The following ANKRD1 variants were observed in gnomAD, a reference collection of about 807,000 sequenced individuals.
ANKRD1 encodes ankyrin repeat domain-containing protein 1.
A neutral mutation model predicts 40.1 loss-of-function variants in ANKRD1; 32 were observed. The ratio of observed to expected loss-of-function variants is 0.80; its 90% CI spans 0.60 to 1.07. The LOEUF (loss-of-function observed/expected upper bound fraction) is 1.07. Among genes scored for constraint, ANKRD1 ranks in the 50% least tolerant of loss-of-function variants. The pLI is 0.00. For synonymous variants in ANKRD1, 149 were observed against 141.2 expected (o/e 1.06, Z -0.39); for missense variants, 359 against 386.0 (o/e 0.93, Z 0.59).
chr10:90,914,688 T>A (rs962679656), intron 8 of ANKRD1, among the ~76,000 whole-genome samples: 6 of 150,836 alleles, frequency 4.0e-5, no homozygotes, highest in Non-Finnish European at 8.8e-5. Context: ...GGGGAGAAAA[T>A]TATTTGCATT....
chr10:90,915,074 G>A (rs1847355401), intron 8 of ANKRD1, among the ~76,000 whole-genome samples: 1 of 152,198 alleles, frequency 6.6e-6, no homozygotes. Context: ...GCTGTAAGGA[G>A]GAAAGGGACT....
chr10:90,919,309 A>C, intron 2 of ANKRD1, 41 bp from the exon 3 acceptor site: 1 of 1,564,692 alleles, frequency 6.4e-7, no homozygotes, highest in Non-Finnish European at 8.7e-7. Flanking sequence ...GGTGAGTTCT[A>C]CTGACAAGCA....
chr10:90,912,929 G>A lies in ANKRD1; in HGVS notation c.897C>T (p.Thr299=), dbSNP rs1028634898. 1 of 1,614,056 alleles carries A rather than the reference G, an allele frequency of 6.2e-7. No homozygotes were observed. Among genetic ancestry groups the A allele is most frequent in the South Asian group, 1.1e-5 (1 of 91,082 alleles). ...CTCTGAGGCTGTCGAATATTGCTTT[G>A]GTTCCATTCTGCCAGTGTAGCACCA... The part of the protein sequence containing the change: ...MDLVLHWQNG[T]KAIFDSLREN... Residue 299 remains threonine, a synonymous_variant, in exon 9 of 9, where the codon ACC becomes ACT. Coordinates refer to ENST00000371697, the MANE Select transcript of ANKRD1 (RefSeq NM_014391.3).
chr10:90,915,832 A>T lies in ANKRD1; in HGVS notation c.700T>A (p.Cys234Ser). Residue 234 changes from cysteine to serine, a missense_variant, in exon 7 of 9, where the codon TGC becomes AGC. Coordinates refer to ENST00000371697, the MANE Select transcript of ANKRD1 (RefSeq NM_014391.3). ...HVAVRTGHYE[C>S]AEHLIACEAD... The stretch of plus-strand genomic sequence containing the variant: ...TCACAGGCGATAAGATGCTCCGCGC[A>T]CTCATAGTGGCCAGTCCTCACCGCC... 2 of 1,613,418 alleles carry T rather than the reference A, an allele frequency of 1.2e-6. No individual in the cohort carries two copies. Among genetic ancestry groups the T allele is most frequent in the Non-Finnish European group, 1.7e-6 (2 of 1,179,926 alleles).
chr10:90,920,541 C>A (rs1461738946), intron 1 of ANKRD1, among the ~76,000 whole-genome samples, 193 bp from the exon 2 acceptor site: 1 of 152,226 alleles, frequency 6.6e-6, no homozygotes, highest in East Asian at 1.9e-4. Context: ...GCTTGTCCTA[C>A]TCTCTTGGTT....
At chr10:90,914,322 C>T (rs546225756) in intron 8 of ANKRD1, among the ~76,000 whole-genome samples, 8 of 152,214 alleles carry the variant, frequency 5.3e-5, no homozygotes, top group Non-Finnish European at 1.0e-4. Context: ...TTGGGCTACT[C>T]TTCCATAAAT....
chr10:90,914,732 C>A (rs1323370241), intron 8 of ANKRD1, among the ~76,000 whole-genome samples: 2 of 88,804 alleles, frequency 2.3e-5, no homozygotes, highest in Admixed American at 1.2e-4. Flanking sequence ...CCCCCCCCCC[C>A]ACTCTTTTTT....
chr10:90,917,829 T>C lies in ANKRD1; in HGVS notation c.455A>G (p.Tyr152Cys). The change falls in exon 5 of 9, where the codon TAT becomes TGT. Residue 152 changes from tyrosine to cysteine, a missense_variant and splice_region_variant. Transcript: ENST00000371697. The stretch of plus-strand genomic sequence containing the variant: ...TGCTCTATGAAGAGCTGTCCGTTTA[T>C]ACTATCAGAACAGAGATTTTAAACA... ...DKNNPDVCDE[Y>C]KRTALHRACL... 1 of 1,612,450 alleles carries C rather than the reference T, an allele frequency of 6.2e-7. No individual in the cohort carries two copies. The highest frequency in any genetic ancestry group is 8.5e-7 in the Non-Finnish European group (1 of 1,178,548).
intron 8 of ANKRD1, among the ~76,000 whole-genome samples, chr10:90,913,265 G>A (rs552467944): frequency 6.6e-6 from 1 of 152,298 alleles, no homozygotes; most frequent in East Asian, 1.9e-4. Flanking sequence ...AAGTCATTTT[G>A]AAATTTATAA....
Position 90,918,934 on chromosome 10 carries a change from A to G in ANKRD1, c.384T>C (p.Ala128=), listed in dbSNP as rs1847400240. ...PVDVPTFLKA[A]LENKLPVVEK... Reference sequence around the variant, plus strand: ...CTACTACTGGCAGTTTATTCTCCAGAGCAGCCTTCAGAAACGTAGGCACAT... The same window carrying G: ...CTACTACTGGCAGTTTATTCTCCAGGGCAGCCTTCAGAAACGTAGGCACAT... The change falls in exon 4 of 9, where the codon GCT becomes GCC. Residue 128 remains alanine (A), a synonymous_variant. Coordinates refer to ENST00000371697, the MANE Select transcript of ANKRD1 (RefSeq NM_014391.3). 1.9e-6 allele frequency: 3 copies of G among 1,611,038 alleles called. No individual in the cohort carries two copies. The highest frequency in any genetic ancestry group is 1.4e-5 in the African/African-American group (1 of 74,052).
At chr10:90,916,898 GTAC>G (rs1847379398) in intron 5 of ANKRD1, among the ~76,000 whole-genome samples, 1 of 152,110 alleles carries the variant, frequency 6.6e-6, no homozygotes, top group Non-Finnish European at 1.5e-5. Context: ...CACAGCCTCT[GTAC>G]CTCAACTGTA....
rs2120266485 is a variant in ANKRD1 at position 90,916,246 on chromosome 10, C to G, written c.576G>C (p.Trp192Cys). The G allele has an allele frequency of 1.2e-6, 2 of 1,613,890 alleles. No individual in the cohort carries two copies. Among genetic ancestry groups the G allele is most frequent in the South Asian group, 2.2e-5 (2 of 91,060 alleles). The change falls in exon 6 of 9, where the codon TGG becomes TGC. Residue 192 changes from tryptophan (W) to cysteine (C), a missense_variant. Physicochemically the swap from Trp to Cys is radical, Grantham distance 215. Transcript: ENST00000371697. ...CATCCAGGTTTCCTCCACGGCTTGC[C>G]CAGTGGATGGCTGTGGATTCAAGCT... is the stretch of plus-strand genomic sequence containing the variant. ...RDMLESTAIH[W>C]ASRGGNLDVL...
chr10:90,920,382 G>A, intron 1 of ANKRD1, 34 bp from the exon 2 acceptor site: 1 of 1,612,410 alleles, frequency 6.2e-7, no homozygotes, highest in South Asian at 1.1e-5. Flanking sequence ...GTCAGAAGCA[G>A]CAGCCTCGTC....
chr10:90,913,057 G>T, intron 8 of ANKRD1, 81 bp from the exon 9 acceptor site: 3 of 1,262,938 alleles, frequency 2.4e-6, no homozygotes, highest in Non-Finnish European at 3.5e-6. Context: ...GTTTCATGAG[G>T]TAAGGATTAG....
In ANKRD1 at chr10:90,920,351, A is replaced by G. The variant is rs369640260; in HGVS notation, c.28-3T>C. ...TTGCCATTCTTCTTTCCAGTGACCTATGAGGGAAGAAGATGGCAGCGTCAG... is the reference window on the plus strand; with the variant it reads ...TTGCCATTCTTCTTTCCAGTGACCTGTGAGGGAAGAAGATGGCAGCGTCAG... On this transcript the variant is annotated splice_polypyrimidine_tract_variant and splice_region_variant and intron_variant, in intron 1 of 8. Transcript: ENST00000371697. The G allele has an allele frequency of 1.8e-5, 29 of 1,614,052 alleles. No homozygotes were observed. The highest frequency in any genetic ancestry group is 2.3e-5 in the Non-Finnish European group (27 of 1,179,964).
rs1384353826 is a variant in ANKRD1, at chr10:90,917,921, G to A, written c.454-91C>T. ...GAGCTATGAAGCTGGAGATTCTGAT[G>A]ACCTAACTGATAGAAACTCAAGTGC... is the stretch of plus-strand genomic sequence containing the variant. On this transcript the variant is annotated intron_variant, in intron 4 of 8. Transcript: ENST00000371697. The A allele has an allele frequency of 5.9e-6, 6 of 1,023,068 alleles. No individual in the cohort carries two copies. The African/African-American group carries it at 9.6e-5, about 16-fold the overall frequency. 63.4% of individuals were successfully genotyped at this position (1,023,068 alleles called of 1,614,324 possible).
chr10:90,917,133 T>A (rs1273568313), intron 5 of ANKRD1, among the ~76,000 whole-genome samples: 1 of 152,222 alleles, frequency 6.6e-6, no homozygotes, highest in African/African-American at 2.4e-5. Flanking sequence ...CCGTTGCCGC[T>A]TTGCTATAAA....
rs1032989066 is a variant in ANKRD1, at chr10:90,920,095, TCTC to T, written c.207+71_207+73del. The stretch of plus-strand genomic sequence containing the variant: ...TTAATGATTGGGTTTGTTTCTCTCT[TCTC>T]CTTCCCTGACATTTCCATTCCCTAC... On this transcript the variant is annotated intron_variant, in intron 2 of 8. Coordinates refer to ENST00000371697, the MANE Select transcript of ANKRD1 (RefSeq NM_014391.3). The T allele has an allele frequency of 2.5e-6, 4 of 1,594,382 alleles. No individual in the cohort carries two copies. The African/African-American group carries it at 5.4e-5, about 21-fold the overall frequency.
rs945448907 is a variant in ANKRD1 at position 90,920,177 on chromosome 10, C to G, written c.199G>C (p.Glu67Gln). 1.2e-6 allele frequency: 2 copies of G among 1,613,640 alleles called. No homozygotes were observed. The highest frequency in any genetic ancestry group is 1.7e-6 in the Non-Finnish European group (2 of 1,180,018). Residue 67 changes from glutamate to glutamine, a missense_variant, in exon 2 of 9, where the codon GAG becomes CAG. Coordinates refer to ENST00000371697, the MANE Select transcript of ANKRD1 (RefSeq NM_014391.3). ...EQQWKSEKQR[E>Q]AELKKKKLEQ... ...CCACAGATGGCTCTCACCTCTGCCT[C>G]TCGTTGTTTCTCGCTTTTCCACTGT...
Sources: gnomAD v4.1 joint callset for allele counts (sites outside exome capture counted in the v4.1 genomes callset) on GRCh38, gnomAD v4.1.1 for gene constraint, MANE v1.5 for transcripts, NCBI Gene and HGNC (gene_info 2026-07-23, HGNC 2026-07-21) for gene names.